The following SLC20A2 variants were observed in gnomAD, a reference collection of about 807,000 sequenced individuals.
SLC20A2 encodes solute carrier family 20 member 2.
SLC20A2 carries 30 observed loss-of-function variants against 61.0 expected under a neutral mutation model. The observed-to-expected ratio is 0.49, with a 90% CI of 0.37 to 0.67. The LOEUF (loss-of-function observed/expected upper bound fraction) is 0.67. Ranked by LOEUF, SLC20A2 falls within the 30% of genes least tolerant of loss-of-function variation. SLC20A2 has a pLI of 0.00. For synonymous variants in SLC20A2, 351 were observed against 353.3 expected (o/e 0.99, Z 0.07); for missense variants, 626 against 866.4 (o/e 0.72, Z 3.48).
chr8:42,513,529 A>G (rs1811144091), intron 1 of SLC20A2, among the ~76,000 whole-genome samples: 3 of 152,218 alleles, frequency 2.0e-5, no homozygotes, highest in Non-Finnish European at 1.5e-5. Flanking sequence ...ACAAGAGGAT[A>G]AAACTTTGCT....
chr8:42,529,300 A>G (rs1443267240), intron 1 of SLC20A2, among the ~76,000 whole-genome samples: 1 of 152,204 alleles, frequency 6.6e-6, no homozygotes, highest in Non-Finnish European at 1.5e-5. Flanking sequence ...GTAATAAATA[A>G]GAAATTTTAA....
intron 8 of SLC20A2, among the ~76,000 whole-genome samples, chr8:42,436,087 G>C (rs1804227362): frequency 6.6e-6 from 1 of 151,978 alleles, no homozygotes; most frequent in Non-Finnish European, 1.5e-5. Context: ...CTGCACTCCA[G>C]CCTGGGGAAC....
chr8:42,422,631 CT>C (rs913610447), intron 10 of SLC20A2, among the ~76,000 whole-genome samples: 16 of 152,286 alleles, frequency 1.1e-4, no homozygotes, highest in African/African-American at 3.8e-4. Flanking sequence ...CGCCCCACCC[CT>C]AGCCCCTTTT....
At chr8:42,425,010 C>T (rs995204275) in intron 10 of SLC20A2, among the ~76,000 whole-genome samples, 1 of 152,152 alleles carries the variant, frequency 6.6e-6, no homozygotes, top group East Asian at 1.9e-4. Context: ...CAAGCCACTG[C>T]ACTCCAGCCT....
chr8:42,439,007 G>A (rs572741866), intron 7 of SLC20A2, among the ~76,000 whole-genome samples: 1 of 152,284 alleles, frequency 6.6e-6, no homozygotes, highest in South Asian at 2.1e-4. Context: ...ATGAGCCACT[G>A]CACCTGGTCA....
chr8:42,501,164 C>T lies in SLC20A2; in HGVS notation c.-398G>A, dbSNP rs1370137862. ...TCACATTTCAGCTTGCTAACTTCTACTTTTACAACTCATAGAACTAACCCC... is the reference window on the plus strand; with the variant it reads ...TCACATTTCAGCTTGCTAACTTCTATTTTTACAACTCATAGAACTAACCCC... On this transcript the variant is annotated 5_prime_UTR_variant, in exon 1 of 11. Transcript: ENST00000520262. 4 of 152,168 alleles carry T rather than the reference C, an allele frequency of 2.6e-5. No homozygotes were observed. Among genetic ancestry groups the T allele is most frequent in the Non-Finnish European group, 5.9e-5 (4 of 68,042 alleles). The allele number at this position is 152,168 out of a possible 1,614,324, so 9.4% of individuals were successfully genotyped here. A position where few individuals can be genotyped will look rare whatever the true frequency, so the allele number is the denominator to read the frequency against.
At chr8:42,530,392 C>T (rs1419138366) in intron 1 of SLC20A2, among the ~76,000 whole-genome samples, 1 of 152,140 alleles carries the variant, frequency 6.6e-6, no homozygotes, top group African/African-American at 2.4e-5. Context: ...ATATATATAA[C>T]CCAGTGTTGG....
chr8:42,442,814 G>A (rs1804880628), intron 6 of SLC20A2, among the ~76,000 whole-genome samples: 1 of 152,144 alleles, frequency 6.6e-6, no homozygotes, highest in Non-Finnish European at 1.5e-5. Context: ...TTCCAATTCA[G>A]GAGCATGCTT....
At chr8:42,511,573 G>A (rs1034057172) in intron 1 of SLC20A2, among the ~76,000 whole-genome samples, 6 of 151,460 alleles carry the variant, frequency 4.0e-5, no homozygotes, top group African/African-American at 7.3e-5. Flanking sequence ...GCTGCAGTGA[G>A]CCAAGATCGC....
At chr8:42,539,302 A>G (rs1812908273) in intron 1 of SLC20A2, among the ~76,000 whole-genome samples, 7 of 152,212 alleles carry the variant, frequency 4.6e-5, no homozygotes, top group Admixed American at 4.6e-4. Context: ...GTGAACTGTT[A>G]AGTTAAACCC....
intron 8 of SLC20A2, among the ~76,000 whole-genome samples, chr8:42,430,466 G>C (rs529833767): frequency 6.6e-6 from 1 of 151,976 alleles, no homozygotes; most frequent in Non-Finnish European, 1.5e-5. Context: ...CGGTTCAAGC[G>C]ATTCTCCTGC....
At chr8:42,493,774 T>A (rs143592898) in intron 1 of SLC20A2, among the ~76,000 whole-genome samples, 59 of 152,268 alleles carry the variant, frequency 3.9e-4, no homozygotes, top group African/African-American at 1.4e-3. Context: ...CCAGTACACA[T>A]CAGTTTACGT....
chr8:42,438,836 C>T (rs184296933), intron 7 of SLC20A2, among the ~76,000 whole-genome samples: 2 of 152,336 alleles, frequency 1.3e-5, no homozygotes, highest in Admixed American at 1.3e-4. Context: ...CCTGCCTCAG[C>T]CTCCCGAGTA....
At chr8:42,535,638 A>T (rs1314196156) in intron 1 of SLC20A2, among the ~76,000 whole-genome samples, 1 of 152,218 alleles carries the variant, frequency 6.6e-6, no homozygotes, top group Non-Finnish European at 1.5e-5. Flanking sequence ...AAACTGTATT[A>T]TCTGGTGACT....
chr8:42,500,060 A>C (rs1810220835), intron 1 of SLC20A2, among the ~76,000 whole-genome samples: 1 of 152,242 alleles, frequency 6.6e-6, no homozygotes, highest in South Asian at 2.1e-4. Flanking sequence ...AATGGCTTTC[A>C]CAATACTAAC....
At chr8:42,485,020 G>A in intron 1 of SLC20A2, 1 of 237,076 alleles carries the variant, frequency 4.2e-6, no homozygotes. Flanking sequence ...CCCAGAGTGA[G>A]CCCTCGAAAC....
intron 1 of SLC20A2, among the ~76,000 whole-genome samples, chr8:42,532,368 C>T (rs1812389476): frequency 6.6e-6 from 1 of 152,190 alleles, no homozygotes; most frequent in Admixed American, 6.5e-5. Context: ...ACCTCCACCC[C>T]AAACTTGCTT....
intron 4 of SLC20A2, among the ~76,000 whole-genome samples, chr8:42,462,588 T>C (rs1267641364): frequency 6.7e-6 from 1 of 149,992 alleles, no homozygotes; most frequent in Non-Finnish European, 1.5e-5. Flanking sequence ...CCTTGCTCTC[T>C]CCATTAAAAA....
intron 3 of SLC20A2, among the ~76,000 whole-genome samples, chr8:42,464,279 C>CTT (rs202204490): frequency 0.024 from 3,324 of 136,684 alleles, 175 homozygotes; most frequent in African/African-American, 0.093. Flanking sequence ...GGCTAATTTT[C>CTT]TTTCTTTTTT....
Sources: gnomAD v4.1 joint callset for allele counts (sites outside exome capture counted in the v4.1 genomes callset) on GRCh38, gnomAD v4.1.1 for gene constraint, MANE v1.5 for transcripts, NCBI Gene and HGNC (gene_info 2026-07-23, HGNC 2026-07-21) for gene names.